WDR44: variants seen among roughly 807,000 people sequenced by gnomAD.
The protein encoded by WDR44 is WD repeat-containing protein 44.
A neutral mutation model predicts 65.7 loss-of-function variants in WDR44; 9 were observed. The ratio of observed to expected loss-of-function variants is 0.14; its 90% CI spans 0.08 to 0.24. WDR44 has a LOEUF of 0.24. Among genes scored for constraint, WDR44 ranks in the 10% least tolerant of loss-of-function variants. The pLI, the probability that WDR44 is intolerant of heterozygous loss-of-function variation, is 1.00. For synonymous variants in WDR44, 220 were observed against 235.2 expected (o/e 0.94, Z 0.59); for missense variants, 425 against 670.9 (o/e 0.63, Z 4.05).
intron 12 of WDR44, among the ~76,000 whole-genome samples, chrX:118,419,090 C>T (rs2057081458): frequency 9.0e-6 from 1 of 111,275 alleles, no homozygotes; most frequent in South Asian, 3.8e-4. Flanking sequence ...GGCCTGAGAA[C>T]TTGCCCCAGG....
intron 12 of WDR44, among the ~76,000 whole-genome samples, chrX:118,428,589 A>G (rs2057179840): frequency 8.9e-6 from 1 of 112,070 alleles, no homozygotes; most frequent in South Asian, 3.7e-4. Flanking sequence ...CTTTTATTAA[A>G]ACAAATGGAA....
intron 19 of WDR44, among the ~76,000 whole-genome samples, chrX:118,448,259 C>T (rs992192895): frequency 4.5e-5 from 5 of 111,319 alleles, no homozygotes; most frequent in African/African-American, 1.6e-4. Flanking sequence ...CAGTTTTCAC[C>T]TATGTATAAT....
Position 118,432,885 on chromosome X carries a change from A to G in WDR44, c.1842A>G (p.Ser614=). ...ATACTGCTGATCTCCTTGATCTTTC[A>G]TGGTCTAAAGTAAGAAATTCTTATT... The part of the protein sequence containing the change: ...KGHTADLLDL[S]WSKNYFLLSS... The change falls in exon 13 of 20, where the codon TCA becomes TCG. Residue 614 remains serine, a synonymous_variant. Coordinates refer to ENST00000254029, the MANE Select transcript of WDR44 (RefSeq NM_019045.5). 8.3e-7 allele frequency: 1 copy of G among 1,200,357 alleles called. No individual in the cohort carries two copies. The highest frequency in any genetic ancestry group is 3.0e-5 in the East Asian group (1 of 33,804).
intron 1 of WDR44, among the ~76,000 whole-genome samples, chrX:118,356,738 GTAAAGGGCT>G (rs1293593545): frequency 9.4e-6 from 1 of 106,287 alleles, no homozygotes; most frequent in Non-Finnish European, 1.9e-5. Context: ...TGTAATAATA[GTAAAGGGCT>G]TAAACTTGAT....
At chrX:118,367,646 G>A (rs768090851) in intron 1 of WDR44, among the ~76,000 whole-genome samples, 18 of 111,322 alleles carry the variant, frequency 1.6e-4, no homozygotes, top group Non-Finnish European at 3.2e-4. Flanking sequence ...AAGATGGCAG[G>A]GACCATGTCT....
intron 1 of WDR44, among the ~76,000 whole-genome samples, chrX:118,374,874 C>A (rs1300090119): frequency 1.8e-5 from 2 of 111,372 alleles, no homozygotes; most frequent in Non-Finnish European, 3.8e-5. Flanking sequence ...AGGATGAGAT[C>A]GAGGCTTGGA....
Position 118,432,404 on chromosome X carries a change from G to A in WDR44, c.1738-377G>A, listed in dbSNP as rs111371174. ...AACTTTGCCCAATGTCTAATTCATG[G>A]AAATTGTACCACATGCCTAACCAGT... On this transcript the variant is annotated intron_variant, in intron 12 of 19. Transcript: ENST00000254029. Among the ~76,000 whole-genome samples, 455 of 111,419 alleles carry A rather than the reference G, an allele frequency of 4.1e-3. 1 individual carries two copies. The highest frequency in any genetic ancestry group is 6.7e-3 in the Non-Finnish European group (354 of 53,095).
chrX:118,346,701 A>T (rs763574823), intron 1 of WDR44, 121 bp downstream of exon 1: 3 of 550,980 alleles, frequency 5.4e-6, no homozygotes, highest in Non-Finnish European at 8.3e-6. Context: ...TCCCCGTCTC[A>T]CTGGAGGACT....
chrX:118,391,187 A>G (rs1024694849), intron 3 of WDR44, among the ~76,000 whole-genome samples: 1 of 112,022 alleles, frequency 8.9e-6, no homozygotes, highest in African/African-American at 3.2e-5. Flanking sequence ...ATTTATAGCT[A>G]AGCTTTTTGA....
At chrX:118,416,372 GATAGATTGTTTCATT>G (rs2057057290) in intron 12 of WDR44, among the ~76,000 whole-genome samples, 1 of 111,590 alleles carries the variant, frequency 9.0e-6, no homozygotes, top group African/African-American at 3.3e-5. Flanking sequence ...CAAAGGTTAT[GATAGATTGTTTCATT>G]ATTGTCATTC....
chrX:118,447,137 T>C (rs1444526148), intron 19 of WDR44: 1 of 312,028 alleles, frequency 3.2e-6, no homozygotes, highest in African/African-American at 2.8e-5. Flanking sequence ...TTGGCCAAAG[T>C]ACTGGGATTA....
chrX:118,395,251 A>C lies in WDR44; in HGVS notation c.960A>C (p.Glu320Asp), dbSNP rs750053318. The change falls in exon 6 of 20, where the codon GAA becomes GAC. Residue 320 changes from glutamate (E) to aspartate (D), a missense_variant and splice_region_variant. This residue lies in a region of WDR44 where 77 missense variants were observed against 183.5 expected (regional missense o/e 0.42). Coordinates refer to ENST00000254029, the MANE Select transcript of WDR44 (RefSeq NM_019045.5). ...TSGDKIVTAQ[E>D]NGKAPDGQTV... ...TGTTTATAAAATTATATTTCCAGGA[A>C]AATGGAAAAGCACCTGATGGGCAGA... is the stretch of plus-strand genomic sequence containing the variant. The C allele has an allele frequency of 8.3e-7, 1 of 1,205,996 alleles. No individual in the cohort carries two copies. Among genetic ancestry groups the C allele is most frequent in the South Asian group, 1.8e-5 (1 of 55,597 alleles).
At chrX:118,358,846 G>C (rs1280950918) in intron 1 of WDR44, among the ~76,000 whole-genome samples, 1 of 112,130 alleles carries the variant, frequency 8.9e-6, no homozygotes, top group Non-Finnish European at 1.9e-5. Flanking sequence ...GCCGAGGCAG[G>C]TGGATCGCTT....
intron 3 of WDR44, among the ~76,000 whole-genome samples, chrX:118,387,855 T>C (rs1476365624): frequency 4.5e-5 from 5 of 111,885 alleles, no homozygotes; most frequent in Admixed American, 2.9e-4. Context: ...TAGAAGAGAC[T>C]GAGCACAAGA....
At chrX:118,382,179 C>T (rs1441397603) in intron 2 of WDR44, among the ~76,000 whole-genome samples, 4 of 112,293 alleles carry the variant, frequency 3.6e-5, no homozygotes, top group Non-Finnish European at 5.6e-5. Context: ...TAAAGTGGGA[C>T]ATTTAAAAAG....
chrX:118,373,759 T>A (rs930088281), intron 1 of WDR44, among the ~76,000 whole-genome samples: 1 of 111,123 alleles, frequency 9.0e-6, no homozygotes, highest in Non-Finnish European at 1.9e-5. Context: ...GTTTACTAGC[T>A]GTACAATGTA....
intron 2 of WDR44, among the ~76,000 whole-genome samples, chrX:118,381,639 C>A (rs2056718680): frequency 1.0e-5 from 1 of 95,703 alleles, no homozygotes; most frequent in Non-Finnish European, 2.0e-5. Flanking sequence ...GTGATGCAAT[C>A]TTGGCTCACT....
intron 13 of WDR44, among the ~76,000 whole-genome samples, chrX:118,433,657 A>C (rs1162113092): frequency 8.9e-6 from 1 of 112,082 alleles, no homozygotes; most frequent in Non-Finnish European, 1.9e-5. Context: ...GGAAAGATTA[A>C]CTGAGCTAGT....
intron 2 of WDR44, among the ~76,000 whole-genome samples, chrX:118,385,650 T>C (rs2056760037): frequency 9.0e-6 from 1 of 110,516 alleles, no homozygotes; most frequent in African/African-American, 3.3e-5. Flanking sequence ...ACCCCTGAAC[T>C]TAAAGTTAAA....
Sources: gnomAD v4.1 joint callset for allele counts (sites outside exome capture counted in the v4.1 genomes callset) on GRCh38, gnomAD v4.1.1 for gene constraint, gnomAD v4.1.1 regional missense constraint, MANE v1.5 for transcripts, NCBI Gene and HGNC (gene_info 2026-07-23, HGNC 2026-07-21) for gene names.